AKAP6: variants seen among roughly 807,000 people sequenced by gnomAD.
AKAP6 encodes A-kinase anchor protein 6.
AKAP6 carries 58 observed loss-of-function variants against 188.5 expected under a neutral mutation model. That is an observed-to-expected ratio of 0.31 (90% CI 0.25 to 0.38). The LOEUF is 0.38. AKAP6 is among the 10% of genes least tolerant of loss of function. AKAP6 has a pLI of 1.00. For missense variants in AKAP6, 2,710 were observed against 2,740.0 expected (o/e 0.99, Z 0.24); for synonymous variants, 989 against 998.6 (o/e 0.99, Z 0.18).
chr14:32,497,968 G>C (rs995336970), intron 2 of AKAP6, among the ~76,000 whole-genome samples: 3 of 151,814 alleles, frequency 2.0e-5, no homozygotes, highest in Non-Finnish European at 4.4e-5. Context: ...AGCTTTCTTT[G>C]AAAGTCTTTT....
At chr14:32,637,741 G>A (rs1887564746) in intron 7 of AKAP6, among the ~76,000 whole-genome samples, 1 of 151,998 alleles carries the variant, frequency 6.6e-6, no homozygotes, top group Admixed American at 6.6e-5. Flanking sequence ...GTGGGAGTTG[G>A]GAGAATCAGT....
chr14:32,622,233 G>A (rs1045442627), intron 7 of AKAP6, among the ~76,000 whole-genome samples: 2 of 151,942 alleles, frequency 1.3e-5, no homozygotes, highest in Middle Eastern at 3.2e-3. Context: ...CTGATGACAA[G>A]GAAAGGGAAT....
rs371766694 is a variant in AKAP6 at position 32,600,832 on chromosome 14, G to A, written c.2730+40G>A. ...GTTTGCCTTATTTCCTCTTATTTCT[G>A]TCTTCTTTTGAACTAGGCACCACTG... On this transcript the variant is annotated intron_variant, in intron 7 of 13. Transcript: ENST00000280979. 2.1e-5 allele frequency: 33 copies of A among 1,553,170 alleles called. No individual in the cohort carries two copies. In the East Asian group the frequency reaches 6.5e-4, roughly 30 times the overall value.
At chr14:32,703,070 G>T (rs1248225776) in intron 9 of AKAP6, among the ~76,000 whole-genome samples, 1 of 152,138 alleles carries the variant, frequency 6.6e-6, no homozygotes, top group African/African-American at 2.4e-5. Context: ...TATTCAAATT[G>T]AAGTTAATTT....
At chr14:32,571,699 C>T (rs1884496013) in intron 4 of AKAP6, among the ~76,000 whole-genome samples, 1 of 152,120 alleles carries the variant, frequency 6.6e-6, no homozygotes, top group Non-Finnish European at 1.5e-5. Context: ...AGGATGAATA[C>T]ACACACATTC....
chr14:32,618,800 T>C (rs1463188881), intron 7 of AKAP6, among the ~76,000 whole-genome samples: 2 of 152,242 alleles, frequency 1.3e-5, no homozygotes, highest in East Asian at 3.8e-4. Context: ...TGTACTAAAT[T>C]ACATTCCCAC....
intron 12 of AKAP6, among the ~76,000 whole-genome samples, chr14:32,787,229 G>C (rs2033450232): frequency 6.6e-6 from 1 of 152,160 alleles, no homozygotes; most frequent in African/African-American, 2.4e-5. Context: ...GAAAGGGGGG[G>C]AACCCCACAC....
At chr14:32,579,163 T>C (rs768230118) in intron 5 of AKAP6, among the ~76,000 whole-genome samples, 3 of 152,142 alleles carry the variant, frequency 2.0e-5, no homozygotes, top group Non-Finnish European at 4.4e-5. Context: ...ATTGCCAGCT[T>C]TTTATAGGTG....
chr14:32,446,282 T>A (rs1352815802), intron 2 of AKAP6, among the ~76,000 whole-genome samples: 1 of 152,216 alleles, frequency 6.6e-6, no homozygotes, highest in Non-Finnish European at 1.5e-5. Flanking sequence ...TATATAAATG[T>A]GTTAATTCTG....
chr14:32,367,272 G>A (rs1162884670), intron 1 of AKAP6, among the ~76,000 whole-genome samples: 1 of 152,140 alleles, frequency 6.6e-6, no homozygotes, highest in African/African-American at 2.4e-5. Context: ...TTAACGCAGG[G>A]CTCAATAATT....
intron 1 of AKAP6, among the ~76,000 whole-genome samples, chr14:32,373,910 T>C (rs1236002999): frequency 6.6e-6 from 1 of 152,238 alleles, no homozygotes; most frequent in African/African-American, 2.4e-5. Context: ...TCCATAATTA[T>C]AGAAGACAGA....
At chr14:32,615,203 AG>A (rs1886520548) in intron 7 of AKAP6, among the ~76,000 whole-genome samples, 1 of 150,496 alleles carries the variant, frequency 6.6e-6, no homozygotes, top group Non-Finnish European at 1.5e-5. Context: ...CAAGAAGAAA[AG>A]GTTCCCTTTC....
intron 7 of AKAP6, among the ~76,000 whole-genome samples, chr14:32,615,383 G>C (rs1320629675): frequency 6.7e-6 from 1 of 148,410 alleles, no homozygotes; most frequent in Non-Finnish European, 1.5e-5. Context: ...TGAGGTGTTT[G>C]ACCTTCAGCA....
chr14:32,665,734 G>A (rs1009022932), intron 7 of AKAP6, among the ~76,000 whole-genome samples: 1 of 152,198 alleles, frequency 6.6e-6, no homozygotes. Context: ...GGCTGCCCCT[G>A]AGGCCTAACA....
chr14:32,537,579 TTGTCCAACACCCAGTGCTC>T (rs1247015073), intron 3 of AKAP6, among the ~76,000 whole-genome samples: 1 of 152,220 alleles, frequency 6.6e-6, no homozygotes, highest in East Asian at 1.9e-4. Flanking sequence ...TCCCCATTTG[TTGTCCAACACCCAGTGCTC>T]TGTCCAACAT....
chr14:32,565,843 G>C (rs941415352), intron 4 of AKAP6, among the ~76,000 whole-genome samples: 12 of 152,132 alleles, frequency 7.9e-5, no homozygotes, highest in Admixed American at 7.2e-4. Context: ...TCTCTCTTGG[G>C]CTTCATTTTA....
rs200445506 is a variant in AKAP6, at chr14:32,773,706, G to A, written c.3401G>A (p.Arg1134His). 1.4e-4 allele frequency: 228 copies of A among 1,613,954 alleles called. No individual in the cohort carries two copies. Among genetic ancestry groups the A allele is most frequent in the Non-Finnish European group, 1.4e-4 (162 of 1,179,972 alleles). The change falls in exon 12 of 14, where the codon CGT (arginine) becomes CAT (histidine). Residue 1134 changes from arginine (R) to histidine (H), a missense_variant. Transcript: ENST00000280979. ...KSLCREIKQR[R>H]RGVASILRLC... ...CTCTGTCGTGAAATCAAGCAACGAC[G>A]TCGAGGAGTTGCCTCCATTCTGCGA...
At chr14:32,627,477 A>C (rs1887070452) in intron 7 of AKAP6, among the ~76,000 whole-genome samples, 1 of 152,072 alleles carries the variant, frequency 6.6e-6, no homozygotes. Flanking sequence ...TAAGATATAA[A>C]ATTTCACAGC....
At chr14:32,792,636 C>A (rs1350411859) in intron 12 of AKAP6, among the ~76,000 whole-genome samples, 1 of 152,146 alleles carries the variant, frequency 6.6e-6, no homozygotes, top group Non-Finnish European at 1.5e-5. Context: ...ATTGCCCTGG[C>A]CAGAACTTCC....
Sources: allele counts gnomAD v4.1 joint callset (sites outside exome capture counted in the v4.1 genomes callset), GRCh38; gene constraint gnomAD v4.1.1; transcripts MANE v1.5; gene names NCBI Gene and HGNC (gene_info 2026-07-23, HGNC 2026-07-21).